Variants in ZNF607 observed in about 807,000 individuals in gnomAD.
The protein encoded by ZNF607 is zinc finger protein 607.
In ZNF607, 5 loss-of-function variants were observed where a neutral mutation model predicts 12.8. That is an observed-to-expected ratio of 0.39 (90% CI 0.20 to 0.82). The LOEUF (loss-of-function observed/expected upper bound fraction) is 0.82. Ranked by LOEUF, ZNF607 falls within the 40% of genes least tolerant of loss-of-function variation. The pLI, the probability that ZNF607 is intolerant of heterozygous loss-of-function variation, is 0.39. For missense variants in ZNF607, 851 were observed against 859.2 expected (o/e 0.99, Z 0.12); for synonymous variants, 287 against 276.2 (o/e 1.04, Z -0.39).
chr19:37,707,470 G>A lies in ZNF607; in HGVS notation c.235+444C>T, dbSNP rs537538387. On this transcript the variant is annotated intron_variant, in intron 4 of 4. Coordinates refer to ENST00000355202, the MANE Select transcript of ZNF607 (RefSeq NM_032689.5). ...AAAACAAAAAAAAGGTTGGGCAGGG[G>A]GATATAGAACAATTCTGGGCCAGGC... Among the ~76,000 whole-genome samples the A allele has an allele frequency of 8.5e-5, 13 of 152,126 alleles. No homozygotes were observed. The East Asian group carries it at 2.1e-3, about 25-fold the overall frequency.
At chr19:37,717,513 C>T (rs966895625) in intron 1 of ZNF607, among the ~76,000 whole-genome samples, 1 of 150,102 alleles carries the variant, frequency 6.7e-6, no homozygotes, top group African/African-American at 2.4e-5. Flanking sequence ...AAATGAGCTG[C>T]GGCTGGGCGT....
Position 37,697,173 on chromosome 19 carries a change from G to T in ZNF607, c.*867C>A. On this transcript the variant is annotated 3_prime_UTR_variant, in exon 5 of 5. Coordinates refer to ENST00000355202, the MANE Select transcript of ZNF607 (RefSeq NM_032689.5). ...TAAATCTTTGCTACCAGTGATGACT[G>T]GCGCACTACGTGGTTGAGAACAGCA... 1.4e-6 allele frequency: 1 copy of T among 738,174 alleles called. No individual in the cohort carries two copies. The allele number at this position is 738,174 out of a possible 1,614,324, so 45.7% of individuals were successfully genotyped here. A position where few individuals can be genotyped will look rare whatever the true frequency, so the allele number is the denominator to read the frequency against.
At position 37,696,903 on chromosome 19, in the gene ZNF607, T is replaced by C; in HGVS notation, c.*1137A>G. 1.5e-6 allele frequency: 1 copy of C among 677,752 alleles called. No individual in the cohort carries two copies. The highest frequency in any genetic ancestry group is 2.7e-6 in the Non-Finnish European group (1 of 373,950). 42.0% of individuals were successfully genotyped at this position (677,752 alleles called of 1,614,324 possible). On this transcript the variant is annotated 3_prime_UTR_variant, in exon 5 of 5. Coordinates refer to ENST00000355202, the MANE Select transcript of ZNF607 (RefSeq NM_032689.5). The stretch of plus-strand genomic sequence containing the variant: ...GAAGGTCAGATGTGTCAAAGACACG[T>C]CGTCCAGAATGAGCCCAAAGGTGGC...
At chr19:37,702,447 G>T (rs749762516) in intron 4 of ZNF607, among the ~76,000 whole-genome samples, 3 of 151,996 alleles carry the variant, frequency 2.0e-5, no homozygotes, top group Non-Finnish European at 2.9e-5. Flanking sequence ...TTTAGTGAAA[G>T]AAATAAATTT....
At chr19:37,711,400 A>T (rs768808275) in intron 2 of ZNF607, among the ~76,000 whole-genome samples, 1 of 152,236 alleles carries the variant, frequency 6.6e-6, no homozygotes, top group Non-Finnish European at 1.5e-5. Flanking sequence ...AATTTGGTCA[A>T]TAACAACATG....
In ZNF607 at chr19:37,707,338, A is replaced by G. The variant is rs2045093196; in HGVS notation, c.235+576T>C. On this transcript the variant is annotated intron_variant, in intron 4 of 4. Transcript: ENST00000355202. Reference sequence around the variant, plus strand: ...GAGACCCTGTCTCTACAAAAATACAAAAATTAGCTGGGTGTGGTGGTGCAC... The same window carrying G: ...GAGACCCTGTCTCTACAAAAATACAGAAATTAGCTGGGTGTGGTGGTGCAC... Among the ~76,000 whole-genome samples, 3 of 152,156 alleles carry G rather than the reference A, an allele frequency of 2.0e-5. No individual in the cohort carries two copies. In the South Asian group the frequency reaches 6.2e-4, roughly 32 times the overall value.
At chr19:37,710,182 T>C (rs1225441019) in intron 2 of ZNF607, among the ~76,000 whole-genome samples, 1 of 119,438 alleles carries the variant, frequency 8.4e-6, no homozygotes, top group Non-Finnish European at 1.8e-5. Flanking sequence ...ATGGAGTGGA[T>C]GGCCGGGCGC....
intron 4 of ZNF607, 79 bp downstream of exon 4, chr19:37,707,835 C>T (rs549452530): frequency 5.6e-6 from 6 of 1,066,056 alleles, no homozygotes; most frequent in East Asian, 2.4e-5. Flanking sequence ...TTCAAGGATG[C>T]GTTTACCAAA....
intron 1 of ZNF607, 145 bp downstream of exon 1, chr19:37,719,124 G>A (rs921889301): frequency 1.3e-5 from 2 of 152,756 alleles, no homozygotes. Flanking sequence ...CCATTTCTCT[G>A]TTGTAGTCGT....
rs2044996727 is a variant in ZNF607, at chr19:37,698,314, A to G, written c.1817T>C (p.Ile606Thr). Residue 606 changes from isoleucine to threonine, a missense_variant, in exon 5 of 5, where the codon ATT (isoleucine) becomes ACT (threonine). Transcript: ENST00000355202. ...ETFSHASHLIIHERIHTSDKP... is the reference protein window; with the variant it reads ...ETFSHASHLITHERIHTSDKP... ...ATCACTGGTATGAATTCTCTCATGA[A>G]TAATAAGATGTGAAGCATGACTAAA... 1.2e-6 allele frequency: 2 copies of G among 1,613,994 alleles called. No homozygotes were observed. Among genetic ancestry groups the G allele is most frequent in the African/African-American group, 2.7e-5 (2 of 74,894 alleles).
intron 4 of ZNF607, among the ~76,000 whole-genome samples, chr19:37,704,744 T>G (rs1046142809): frequency 6.6e-6 from 1 of 152,114 alleles, no homozygotes; most frequent in Non-Finnish European, 1.5e-5. Flanking sequence ...GATCACAAGG[T>G]CAGGAGATAG....
At position 37,719,566 on chromosome 19, in the gene ZNF607, C is replaced by G. The variant is rs997340868; in HGVS notation, c.-372G>C. ...CCTTCTTCAGGTGGAACCAAAAGGT[C>G]CCGGAACCGGAGCCAGGGGTCCAAG... On this transcript the variant is annotated 5_prime_UTR_variant, in exon 1 of 5. Transcript: ENST00000355202. 2.6e-5 allele frequency: 4 copies of G among 152,504 alleles called. No individual in the cohort carries two copies. Among genetic ancestry groups the G allele is most frequent in the African/African-American group, 7.2e-5 (3 of 41,586 alleles). The allele number at this position is 152,504 out of a possible 1,614,324, so 9.4% of individuals were successfully genotyped here.
intron 4 of ZNF607, among the ~76,000 whole-genome samples, chr19:37,703,196 G>A (rs1426514822): frequency 2.0e-5 from 3 of 151,010 alleles, no homozygotes; most frequent in South Asian, 2.1e-4. Flanking sequence ...TGATCCGCCC[G>A]CCTTGGCCTC....
intron 4 of ZNF607, among the ~76,000 whole-genome samples, chr19:37,702,153 G>A (rs1355250528): frequency 3.9e-5 from 6 of 152,050 alleles, no homozygotes; most frequent in African/African-American, 1.4e-4. Context: ...TGGGCATGGT[G>A]GCGGGCACCT....
intron 4 of ZNF607, among the ~76,000 whole-genome samples, chr19:37,705,827 C>G (rs1406817446): frequency 3.3e-5 from 5 of 152,066 alleles, no homozygotes; most frequent in Non-Finnish European, 7.3e-5. Context: ...CTCTCTCCCC[C>G]ACCCCTGCTC....
chr19:37,717,905 G>C (rs1390601267), intron 1 of ZNF607, among the ~76,000 whole-genome samples: 1 of 150,272 alleles, frequency 6.7e-6, no homozygotes, highest in Admixed American at 6.6e-5. Flanking sequence ...TTAAACATTA[G>C]ATCACAGCTA....
Position 37,697,256 on chromosome 19 carries a change from C to A in ZNF607, c.*784G>T. ...TGAGAAAGTGAGTCCCTTCCCCTAC[C>A]ACAATGTTCTGTACTCCACGGAATT... On this transcript the variant is annotated 3_prime_UTR_variant, in exon 5 of 5. Coordinates refer to ENST00000355202, the MANE Select transcript of ZNF607 (RefSeq NM_032689.5). The A allele has an allele frequency of 1.3e-6, 1 of 779,410 alleles. No homozygotes were observed. Among genetic ancestry groups the A allele is most frequent in the East Asian group, 2.5e-5 (1 of 40,524 alleles). The allele number at this position is 779,410 out of a possible 1,614,324, so 48.3% of individuals were successfully genotyped here.
intron 1 of ZNF607, 23 bp from the exon 2 acceptor site, chr19:37,711,715 G>T (rs1373623824): frequency 1.6e-6 from 2 of 1,266,392 alleles, no homozygotes; most frequent in Admixed American, 1.7e-5. Context: ...AAGACCTTGA[G>T]ACCAGCTGTG....
Position 37,717,169 on chromosome 19 carries a change from CTTTG to C in ZNF607, c.-75+2096_-75+2099del, listed in dbSNP as rs200288443. ...CTTGCAAAAGTTTTTGCAAAATTCC[CTTTG>C]TTTAATTTTAATTTTAAATTTTATT... On this transcript the variant is annotated intron_variant, in intron 1 of 4. Coordinates refer to ENST00000355202, the MANE Select transcript of ZNF607 (RefSeq NM_032689.5). 8.8e-3 allele frequency among the ~76,000 whole-genome samples: 1,334 copies of C among 152,186 alleles called. 19 individuals are homozygous for C. Among genetic ancestry groups the C allele is most frequent in the African/African-American group, 0.029 (1,191 of 41,534 alleles).
Sources: allele counts gnomAD v4.1 joint callset (sites outside exome capture counted in the v4.1 genomes callset), GRCh38; gene constraint gnomAD v4.1.1; transcripts MANE v1.5; gene names NCBI Gene and HGNC (gene_info 2026-07-23, HGNC 2026-07-21).